CTNND2: variants seen among roughly 807,000 people sequenced by gnomAD.
CTNND2 encodes the protein catenin delta-2.
In CTNND2, 22 loss-of-function variants were observed where a neutral mutation model predicts 144.4. The observed-to-expected ratio is 0.15, with a 90% confidence interval of 0.11 to 0.22. The LOEUF (loss-of-function observed/expected upper bound fraction) is 0.22, where lower values mean the gene tolerates loss of function less well. Ranked by LOEUF, CTNND2 falls within the 10% of genes least tolerant of loss-of-function variation. CTNND2 has a pLI of 1.00. For synonymous variants in CTNND2, 751 were observed against 695.6 expected (o/e 1.08, Z -1.25); for missense variants, 1,353 against 1,618.8 (o/e 0.84, Z 2.82).
At chr5:11,847,759 G>T (rs1794816202) in intron 1 of CTNND2, among the ~76,000 whole-genome samples, 1 of 151,880 alleles carries the variant, frequency 6.6e-6, no homozygotes, top group Non-Finnish European at 1.5e-5. Flanking sequence ...ATAATTACAT[G>T]TCAATTATAA....
chr5:11,485,345 C>CTGTGTGTGTGTG lies in CTNND2; in HGVS notation c.288-73288_288-73277dup, dbSNP rs375624492. Reference sequence around the variant, plus strand: ...CTTAACAGAGAGAGAGAGACAGAGACTGTGTGTGTGTGTGTGTGTGTGTGT... The same window carrying CTGTGTGTGTGTG: ...CTTAACAGAGAGAGAGAGACAGAGACTGTGTGTGTGTGTGTGTGTGTGTGTGTGTGTGTGTGT... On this transcript the variant is annotated intron_variant, in intron 3 of 21. Transcript: ENST00000304623. 2.0e-3 allele frequency among the ~76,000 whole-genome samples: 302 copies of CTGTGTGTGTGTG among 148,818 alleles called. 6 individuals carry two copies. The highest frequency in any genetic ancestry group is 7.3e-3 in the African/African-American group (292 of 40,072).
At chr5:11,438,292 T>C (rs1236770522) in intron 3 of CTNND2, among the ~76,000 whole-genome samples, 2 of 152,232 alleles carry the variant, frequency 1.3e-5, no homozygotes, top group Admixed American at 6.5e-5. Flanking sequence ...AATACATATG[T>C]ATTCATGTCC....
chr5:11,776,932 A>G (rs1220199349), intron 1 of CTNND2, among the ~76,000 whole-genome samples: 1 of 152,206 alleles, frequency 6.6e-6, no homozygotes, highest in Non-Finnish European at 1.5e-5. Context: ...AAGTTATACT[A>G]CTGGACATCC....
At chr5:11,710,503 T>G (rs946150008) in intron 2 of CTNND2, among the ~76,000 whole-genome samples, 1 of 144,908 alleles carries the variant, frequency 6.9e-6, no homozygotes, top group Non-Finnish European at 1.5e-5. Flanking sequence ...TCACACCAAC[T>G]GCACTCCAGC....
At chr5:11,672,888 G>A (rs755384804) in intron 2 of CTNND2, among the ~76,000 whole-genome samples, 8 of 152,090 alleles carry the variant, frequency 5.3e-5, no homozygotes, top group Non-Finnish European at 1.0e-4. Context: ...CACTTCCTGG[G>A]TGAAGCAACA....
At chr5:11,343,882 T>C (rs1010872843) in intron 9 of CTNND2, among the ~76,000 whole-genome samples, 2 of 152,176 alleles carry the variant, frequency 1.3e-5, no homozygotes, top group Non-Finnish European at 2.9e-5. Context: ...TTCTCTTAAA[T>C]ATATGTAAAT....
chr5:11,815,906 A>C (rs1407627485), intron 1 of CTNND2, among the ~76,000 whole-genome samples: 2 of 152,104 alleles, frequency 1.3e-5, no homozygotes, highest in Admixed American at 1.3e-4. Flanking sequence ...GCTCCTCCTC[A>C]TCATCTCATG....
chr5:11,328,830 G>A (rs1282911204), intron 9 of CTNND2, among the ~76,000 whole-genome samples: 1 of 152,154 alleles, frequency 6.6e-6, no homozygotes, highest in Non-Finnish European at 1.5e-5. Flanking sequence ...TGTCCAGTGT[G>A]TTTCATACTG....
chr5:10,987,809 G>A (rs1339342583), intron 20 of CTNND2, among the ~76,000 whole-genome samples: 1 of 151,134 alleles, frequency 6.6e-6, no homozygotes, highest in Non-Finnish European at 1.5e-5. Flanking sequence ...AGTGGGTGAT[G>A]TCAATGAGGA....
intron 11 of CTNND2, among the ~76,000 whole-genome samples, chr5:11,177,125 T>C (rs552686501): frequency 2.6e-5 from 4 of 152,336 alleles, no homozygotes; most frequent in African/African-American, 7.2e-5. Context: ...AGTTTATAAA[T>C]TCCTGCAAAG....
intron 1 of CTNND2, among the ~76,000 whole-genome samples, chr5:11,852,213 G>A (rs1221816486): frequency 6.6e-6 from 1 of 152,056 alleles, no homozygotes; most frequent in Non-Finnish European, 1.5e-5. Context: ...CCCAGAGACT[G>A]ACCTCAAAAT....
chr5:11,431,175 T>C (rs548152066), intron 3 of CTNND2, among the ~76,000 whole-genome samples: 3 of 152,340 alleles, frequency 2.0e-5, no homozygotes, highest in African/African-American at 7.2e-5. Context: ...GAAAGCATTC[T>C]ATTGCTTGCA....
intron 16 of CTNND2, among the ~76,000 whole-genome samples, chr5:11,051,290 G>T (rs775606845): frequency 1.8e-4 from 27 of 152,194 alleles, no homozygotes; most frequent in Non-Finnish European, 3.1e-4. Context: ...AAATAGAAGA[G>T]AATTTTGGGT....
rs556791008 is a variant in CTNND2 at position 10,988,999 on chromosome 5, T to A, written c.3212-757A>T. Reference sequence around the variant, plus strand: ...CTGCCGTTCCTCTTACACCCATTTCTAAAGTGCTGGGTTGTAATTGGAGGA... The same window carrying A: ...CTGCCGTTCCTCTTACACCCATTTCAAAAGTGCTGGGTTGTAATTGGAGGA... On this transcript the variant is annotated intron_variant, in intron 19 of 21. Transcript: ENST00000304623. This position sits in a 1 kb window ranked among gnomAD's most constrained non-coding sequence, Gnocchi z 5.9. 6.6e-6 allele frequency among the ~76,000 whole-genome samples: 1 copy of A among 152,284 alleles called. No individual in the cohort carries two copies. Among genetic ancestry groups the A allele is most frequent in the African/African-American group, 2.4e-5 (1 of 41,564 alleles).
intron 3 of CTNND2, among the ~76,000 whole-genome samples, chr5:11,421,945 C>G (rs31885): frequency 0.054 from 8,291 of 152,142 alleles, 339 homozygotes; most frequent in East Asian, 0.13. Flanking sequence ...AGTGATTGTA[C>G]AAAAGTTAAG....
intron 6 of CTNND2, among the ~76,000 whole-genome samples, chr5:11,389,769 C>T (rs895945081): frequency 1.3e-5 from 2 of 152,148 alleles, no homozygotes; most frequent in Non-Finnish European, 2.9e-5. Context: ...AATCTGAAAT[C>T]CAAAAATCCC....
chr5:11,276,931 G>T (rs948110022), intron 9 of CTNND2, among the ~76,000 whole-genome samples: 1 of 152,194 alleles, frequency 6.6e-6, no homozygotes, highest in African/African-American at 2.4e-5. Flanking sequence ...TTCCAAGGGC[G>T]TGGGCCTGCT....
chr5:11,807,787 C>T (rs1792088615), intron 1 of CTNND2, among the ~76,000 whole-genome samples: 1 of 152,100 alleles, frequency 6.6e-6, no homozygotes, highest in Admixed American at 6.6e-5. Context: ...GCCTACTTCA[C>T]CAAAAGGAAA....
chr5:11,796,003 C>T (rs1170919509), intron 1 of CTNND2, among the ~76,000 whole-genome samples: 3 of 152,196 alleles, frequency 2.0e-5, no homozygotes, highest in Non-Finnish European at 4.4e-5. Context: ...ACCTGTATTC[C>T]TTGGCTCCTG....
Sources: gnomAD v4.1 joint callset for allele counts (sites outside exome capture counted in the v4.1 genomes callset) on GRCh38, gnomAD v4.1.1 for gene constraint, Gnocchi (gnomAD v3.1) non-coding constraint, MANE v1.5 for transcripts, NCBI Gene and HGNC (gene_info 2026-07-23, HGNC 2026-07-21) for gene names.